The following PPHLN1 variants were observed in gnomAD, a reference collection of about 807,000 sequenced individuals.
PPHLN1 encodes periphilin 1.
In PPHLN1, 29 loss-of-function variants were observed where a neutral mutation model predicts 51.3. That is an observed-to-expected ratio of 0.57 (90% confidence interval 0.42 to 0.77). The LOEUF (loss-of-function observed/expected upper bound fraction) is 0.77. PPHLN1 is among the 30% of genes least tolerant of loss of function. The pLI is 0.00. For missense variants in PPHLN1, 436 were observed against 438.4 expected (o/e 0.99, Z 0.05); for synonymous variants, 147 against 147.8 (o/e 0.99, Z 0.04).
intron 9 of PPHLN1, among the ~76,000 whole-genome samples, chr12:42,408,641 AG>A (rs1393513910): frequency 6.6e-6 from 1 of 152,170 alleles, no homozygotes; most frequent in African/African-American, 2.4e-5. Context: ...AACTTTTCTG[AG>A]CCTTGCTTTG....
intron 9 of PPHLN1, chr12:42,432,109 C>G: frequency 6.8e-7 from 1 of 1,476,666 alleles, no homozygotes; most frequent in East Asian, 2.3e-5. Flanking sequence ...CTGCATCTTC[C>G]TCCTGGGCAT....
At chr12:42,381,343 C>A (rs968358131) in intron 5 of PPHLN1, among the ~76,000 whole-genome samples, 1 of 152,172 alleles carries the variant, frequency 6.6e-6, no homozygotes, top group Non-Finnish European at 1.5e-5. Flanking sequence ...TTTATTATAT[C>A]CCTGTTTTAG....
chr12:42,375,089 A>G lies in PPHLN1; in HGVS notation c.511+15A>G, dbSNP rs1022533580. On this transcript the variant is annotated intron_variant, in intron 5 of 9. Transcript: ENST00000358314. ...TCAACATAGAAGTATGTATTTTAAGACTTTATTTTTTTCTCTCACAGTCTC... is the reference window on the plus strand; with the variant it reads ...TCAACATAGAAGTATGTATTTTAAGGCTTTATTTTTTTCTCTCACAGTCTC... The G allele has an allele frequency of 5.1e-6, 8 of 1,568,914 alleles. No individual in the cohort carries two copies. The highest frequency in any genetic ancestry group is 6.9e-6 in the Non-Finnish European group (8 of 1,151,294).
intron 9 of PPHLN1, chr12:42,400,072 T>C (rs1228183724): frequency 6.6e-6 from 1 of 152,112 alleles, no homozygotes; most frequent in Non-Finnish European, 1.5e-5. Flanking sequence ...TTTTCTCCCC[T>C]TACCATAATG....
At chr12:42,335,479 A>G (rs1042052004) in intron 1 of PPHLN1, among the ~76,000 whole-genome samples, 2 of 152,156 alleles carry the variant, frequency 1.3e-5, no homozygotes, top group African/African-American at 4.8e-5. Context: ...TATTTATACG[A>G]ACTATTCACC....
At chr12:42,445,509 C>T (rs1210805014), downstream of PPHLN1, 1 of 195,710 alleles carries the variant, frequency 5.1e-6, no homozygotes, top group Non-Finnish European at 1.0e-5. Context: ...AATTAGCGCA[C>T]ATGCTCTTCC....
intron 1 of PPHLN1, chr12:42,331,871 G>A (rs1219263107): frequency 6.6e-6 from 1 of 152,202 alleles, no homozygotes; most frequent in Non-Finnish European, 1.5e-5. Flanking sequence ...CTCACTGGGA[G>A]TCTGAACACC....
chr12:42,334,454 GA>G (rs903174583), intron 1 of PPHLN1, among the ~76,000 whole-genome samples: 3 of 151,978 alleles, frequency 2.0e-5, no homozygotes, highest in Non-Finnish European at 4.4e-5. Flanking sequence ...ATAATATCAA[GA>G]AAAAAAGTTG....
chr12:42,437,530 T>G (rs1268779728), intron 9 of PPHLN1, among the ~76,000 whole-genome samples: 3 of 152,328 alleles, frequency 2.0e-5, no homozygotes, highest in South Asian at 4.1e-4. Context: ...TTTAATTTTA[T>G]TTTTTGGAGC....
chr12:42,327,104 C>A (rs565334439), intron 1 of PPHLN1, among the ~76,000 whole-genome samples: 2 of 152,222 alleles, frequency 1.3e-5, no homozygotes, highest in African/African-American at 4.8e-5. Context: ...TCTCTGTTAT[C>A]CTTGGTTACC....
intron 9 of PPHLN1, among the ~76,000 whole-genome samples, chr12:42,420,266 A>T (rs970936930): frequency 1.3e-5 from 2 of 151,718 alleles, no homozygotes; most frequent in Non-Finnish European, 2.9e-5. Flanking sequence ...CTTCTTAAAT[A>T]GTGTCATCTT....
intron 6 of PPHLN1, 29 bp downstream of exon 6, chr12:42,385,025 G>A: frequency 2.6e-6 from 4 of 1,566,030 alleles, no homozygotes; most frequent in Non-Finnish European, 3.5e-6. Context: ...TCTGATTTGG[G>A]ATTGTGAAGG....
intron 5 of PPHLN1, among the ~76,000 whole-genome samples, chr12:42,377,523 C>G (rs895025566): frequency 3.3e-5 from 5 of 151,992 alleles, no homozygotes; most frequent in Non-Finnish European, 5.9e-5. Context: ...AAGCTGGTCT[C>G]GAGCTCCTGA....
intron 7 of PPHLN1, 27 bp downstream of exon 7, chr12:42,387,562 A>G (rs1565904077): frequency 6.2e-7 from 1 of 1,604,814 alleles, no homozygotes; most frequent in Non-Finnish European, 8.5e-7. Context: ...AAATCAGTTT[A>G]AAGAAGAATT....
intron 5 of PPHLN1, among the ~76,000 whole-genome samples, chr12:42,380,092 A>G (rs2076631343): frequency 6.6e-6 from 1 of 151,992 alleles, no homozygotes; most frequent in African/African-American, 2.4e-5. Flanking sequence ...CTTCTATCAA[A>G]ACAGTGACAT....
chr12:42,401,059 T>A (rs2078800729), intron 9 of PPHLN1, among the ~76,000 whole-genome samples: 1 of 152,194 alleles, frequency 6.6e-6, no homozygotes, highest in South Asian at 2.1e-4. Flanking sequence ...ATTGTGGATG[T>A]CACATGCCAG....
chr12:42,405,959 AAG>A, intron 9 of PPHLN1, among the ~76,000 whole-genome samples: 1 of 152,302 alleles, frequency 6.6e-6, no homozygotes, highest in South Asian at 2.1e-4. Context: ...AAATACTTGT[AAG>A]AACTACCATT....
In PPHLN1 at chr12:42,335,957, C is replaced by T. The variant is rs866592813; in HGVS notation, c.55C>T (p.Pro19Ser). The stretch of plus-strand genomic sequence containing the variant: ...AAGAATTCCGAGAGAACGAGCACCT[C>T]CTCGAAGTCATCCCAGTGTAAGTTA... Reference protein sequence around the residue: ...YERIPRERAPPRSHPSDGYNR... With the variant: ...YERIPRERAPSRSHPSDGYNR... The change falls in exon 2 of 10, where the codon CCT becomes TCT. Residue 19 changes from proline (P) to serine (S), a missense_variant. Pro to Ser is a moderately conservative substitution (Grantham distance 74, BLOSUM62 -1). Coordinates refer to ENST00000358314, the MANE Select transcript of PPHLN1 (RefSeq NM_201439.2). 2 of 1,583,220 alleles carry T rather than the reference C, an allele frequency of 1.3e-6. No homozygotes were observed. Among genetic ancestry groups the T allele is most frequent in the African/African-American group, 1.4e-5 (1 of 73,702 alleles).
intron 4 of PPHLN1, among the ~76,000 whole-genome samples, chr12:42,363,959 C>A (rs546322407): frequency 6.6e-6 from 1 of 152,202 alleles, no homozygotes; most frequent in South Asian, 2.1e-4. Flanking sequence ...CTCAGTGGCT[C>A]ACACCTGTAA....
Sources: allele counts gnomAD v4.1 joint callset (sites outside exome capture counted in the v4.1 genomes callset), GRCh38; gene constraint gnomAD v4.1.1; transcripts MANE v1.5; gene names NCBI Gene and HGNC (gene_info 2026-07-23, HGNC 2026-07-21).